Variants in RHEX observed in about 807,000 individuals in gnomAD.
RHEX encodes the protein regulator of hemoglobinization and erythroid cell expansion, also known as regulator of hemoglobinization and erythroid cell expansion protein.
RHEX carries 18 observed loss-of-function variants against 20.1 expected under a neutral mutation model. That is an observed-to-expected ratio of 0.90 (90% CI 0.62 to 1.33). The LOEUF (loss-of-function observed/expected upper bound fraction) is 1.33, where lower values mean the gene tolerates loss of function less well. RHEX is among the 40% of genes most tolerant of loss of function. The pLI is 0.00. For missense variants in RHEX, 192 were observed against 214.3 expected (o/e 0.90, Z 0.65); for synonymous variants, 87 against 77.1 (o/e 1.13, Z -0.67).
intron 1 of RHEX, among the ~76,000 whole-genome samples, chr1:206,093,228 T>C (rs1662994353): frequency 2.0e-5 from 3 of 152,232 alleles, no homozygotes; most frequent in Middle Eastern, 6.3e-3. Context: ...ATAAAGTCAG[T>C]TGACAATGTT....
Position 206,078,094 on chromosome 1 carries a change from T to A in RHEX, c.-96-19639T>A, listed in dbSNP as rs553401947. On this transcript the variant is annotated intron_variant, in intron 1 of 5. Coordinates refer to ENST00000331555, the MANE Select transcript of RHEX (RefSeq NM_001007544.4). ...ATGTCTATAAGGTACATAAGAAACA[T>A]AAGTGAATTTCGTGTTCAGGCTTGG... Among the ~76,000 whole-genome samples, 15 of 152,300 alleles carry A rather than the reference T, an allele frequency of 9.8e-5. No individual in the cohort carries two copies. In the South Asian group the frequency reaches 1.2e-3, roughly 13 times the overall value.
At chr1:206,096,784 T>TTTG (rs1663080138) in intron 1 of RHEX, among the ~76,000 whole-genome samples, 1 of 149,254 alleles carries the variant, frequency 6.7e-6, no homozygotes, top group African/African-American at 2.5e-5. Context: ...TTTTTTGGTT[T>TTTG]TTTTTTTTGA....
At chr1:206,095,815 C>CA (rs1214117257) in intron 1 of RHEX, among the ~76,000 whole-genome samples, 10 of 146,902 alleles carry the variant, frequency 6.8e-5, no homozygotes, top group East Asian at 2.0e-4. Context: ...AACTCCATCT[C>CA]AAAAAAAAAG....
chr1:206,064,328 G>A (rs1390713388), intron 1 of RHEX, among the ~76,000 whole-genome samples: 9 of 136,178 alleles, frequency 6.6e-5, no homozygotes, highest in South Asian at 2.4e-4. Flanking sequence ...CTGCCCGGCC[G>A]CCCCTACTGG....
At chr1:206,087,678 T>C (rs1662865970) in intron 1 of RHEX, among the ~76,000 whole-genome samples, 1 of 152,246 alleles carries the variant, frequency 6.6e-6, no homozygotes, top group African/African-American at 2.4e-5. Flanking sequence ...CTCAATGTTC[T>C]ATTAACATGG....
chr1:206,061,130 A>G, intron 1 of RHEX: 1 of 152,296 alleles, frequency 6.6e-6, no homozygotes, highest in Non-Finnish European at 1.5e-5. Flanking sequence ...ACTGATGCCA[A>G]ATAATCTCTT....
chr1:206,054,037 G>T (rs1046313771), intron 1 of RHEX, among the ~76,000 whole-genome samples: 1 of 151,776 alleles, frequency 6.6e-6, no homozygotes, highest in African/African-American at 2.4e-5. Context: ...ATGTATTATG[G>T]TAACTTCTAA....
chr1:206,090,079 C>G (rs542756945), intron 1 of RHEX, among the ~76,000 whole-genome samples: 2 of 152,018 alleles, frequency 1.3e-5, no homozygotes, highest in East Asian at 3.9e-4. Flanking sequence ...CTTTCCTCCA[C>G]TTGCTTTGTG....
intron 1 of RHEX, among the ~76,000 whole-genome samples, chr1:206,082,462 G>C (rs527843479): frequency 6.6e-6 from 1 of 151,814 alleles, no homozygotes; most frequent in Admixed American, 6.6e-5. Flanking sequence ...AGGTTGCAGC[G>C]GGCCGAGGTC....
chr1:206,071,665 GGC>G (rs1662531368), intron 1 of RHEX, among the ~76,000 whole-genome samples: 1 of 151,540 alleles, frequency 6.6e-6, no homozygotes, highest in African/African-American at 2.4e-5. Flanking sequence ...TGGGCAACAT[GGC>G]GAGACCACAT....
chr1:206,099,937 C>T, intron 4 of RHEX, 139 bp downstream of exon 4: 1 of 729,162 alleles, frequency 1.4e-6, no homozygotes, highest in Non-Finnish European at 2.3e-6. Flanking sequence ...GACAGCCTTG[C>T]CAGCCTACTT....
intron 1 of RHEX, among the ~76,000 whole-genome samples, chr1:206,076,404 G>A (rs1302673439): frequency 6.6e-6 from 1 of 152,174 alleles, no homozygotes; most frequent in Non-Finnish European, 1.5e-5. Context: ...GGGCTCAAGC[G>A]ATCCACCCTC....
intron 1 of RHEX, among the ~76,000 whole-genome samples, chr1:206,058,501 C>A (rs1662242576): frequency 1.3e-5 from 2 of 152,330 alleles, no homozygotes; most frequent in South Asian, 4.1e-4. Flanking sequence ...AAGAAAAAAA[C>A]AACAAGGAAG....
chr1:206,064,764 G>C, intron 1 of RHEX, among the ~76,000 whole-genome samples: 1 of 152,100 alleles, frequency 6.6e-6, no homozygotes, highest in East Asian at 1.9e-4. Flanking sequence ...CCACCGCCCC[G>C]TCTGGGAGGT....
intron 1 of RHEX, among the ~76,000 whole-genome samples, chr1:206,084,255 A>C (rs1283240507): frequency 6.6e-6 from 1 of 152,204 alleles, no homozygotes; most frequent in East Asian, 1.9e-4. Context: ...GAGAATGTGC[A>C]CCATGAAAGA....
chr1:206,098,617 A>G (rs147434048), intron 3 of RHEX: 334 of 159,628 alleles, frequency 2.1e-3, no homozygotes, highest in African/African-American at 7.6e-3. Context: ...AATAGAAGGT[A>G]GTGAAGCTCG....
intron 1 of RHEX, among the ~76,000 whole-genome samples, chr1:206,068,637 C>T (rs985666124): frequency 2.6e-5 from 4 of 152,068 alleles, no homozygotes; most frequent in Non-Finnish European, 5.9e-5. Context: ...GGATGGGCCC[C>T]AGAGTATCTA....
chr1:206,099,589 G>A, intron 3 of RHEX, 66 bp from the exon 4 acceptor site: 1 of 1,521,432 alleles, frequency 6.6e-7, no homozygotes, highest in Non-Finnish European at 9.0e-7. Context: ...AAATTGCTGG[G>A]ATTACAGGCA....
chr1:206,081,599 A>G (rs1553285914), intron 1 of RHEX, among the ~76,000 whole-genome samples: 1 of 152,220 alleles, frequency 6.6e-6, no homozygotes, highest in Non-Finnish European at 1.5e-5. Flanking sequence ...TGTGCACAGA[A>G]GTGTAGCTTA....
Sources: allele counts gnomAD v4.1 joint callset (sites outside exome capture counted in the v4.1 genomes callset), GRCh38; gene constraint gnomAD v4.1.1; transcripts MANE v1.5; gene names NCBI Gene and HGNC (gene_info 2026-07-23, HGNC 2026-07-21).